Variants in ANK3 observed in about 807,000 individuals in gnomAD.
ANK3 encodes ankyrin-3.
ANK3 carries 57 observed loss-of-function variants against 370.9 expected under a neutral mutation model. The ratio of observed to expected loss-of-function variants is 0.15; its 90% confidence interval spans 0.12 to 0.19. ANK3 has a LOEUF of 0.19. Among genes scored for constraint, ANK3 ranks in the 10% least tolerant of loss-of-function variants. The pLI, the probability that ANK3 is intolerant of heterozygous loss-of-function variation, is 1.00. For missense variants in ANK3, 4,439 were observed against 5,302.1 expected (o/e 0.84, Z 5.06); for synonymous variants, 1,929 against 1,946.3 (o/e 0.99, Z 0.23).
At chr10:60,120,239 C>T (rs1297920676) in intron 25 of ANK3, among the ~76,000 whole-genome samples, 1 of 152,086 alleles carries the variant, frequency 6.6e-6, no homozygotes. Flanking sequence ...ATAAATGATG[C>T]TGGGAAAATC....
At chr10:60,423,139 C>T (rs545488448) in intron 2 of ANK3, among the ~76,000 whole-genome samples, 14 of 152,092 alleles carry the variant, frequency 9.2e-5, no homozygotes, top group South Asian at 4.1e-4. Context: ...TTTTTGTCTA[C>T]GTGAAAACCA....
At chr10:60,219,849 C>T (rs1202605568) in intron 8 of ANK3, among the ~76,000 whole-genome samples, 1 of 152,158 alleles carries the variant, frequency 6.6e-6, no homozygotes, top group Admixed American at 6.5e-5. Context: ...AACCCTATTT[C>T]TAAACTACTA....
chr10:60,395,552 C>CTTTCTTTCTTTCTTTCTTTCTTTCT (rs1567004152), intron 2 of ANK3, among the ~76,000 whole-genome samples: 2 of 51,112 alleles, frequency 3.9e-5, no homozygotes, highest in Non-Finnish European at 8.1e-5. Context: ...TACTATGCCT[C>CTTTCTTTCTTTCTTTCTTTCTTTCT]TTTCTTTCTT....
chr10:60,304,970 A>T (rs963984411), intron 1 of ANK3, among the ~76,000 whole-genome samples: 5 of 152,166 alleles, frequency 3.3e-5, no homozygotes, highest in Non-Finnish European at 2.9e-5. Flanking sequence ...ACATACAGTG[A>T]GGTGGAGCCA....
intron 1 of ANK3, among the ~76,000 whole-genome samples, chr10:60,629,712 T>C (rs2078456777): frequency 6.6e-6 from 1 of 152,070 alleles, no homozygotes; most frequent in Non-Finnish European, 1.5e-5. Context: ...CAATATTAGC[T>C]AGAAAATATA....
chr10:60,635,978 T>C (rs892040773), intron 1 of ANK3, among the ~76,000 whole-genome samples: 3 of 152,176 alleles, frequency 2.0e-5, no homozygotes, highest in Non-Finnish European at 4.4e-5. Flanking sequence ...TTTAACTATA[T>C]TCATAGTGAA....
intron 9 of ANK3, 107 bp downstream of exon 9, chr10:60,213,305 C>T: frequency 2.7e-6 from 2 of 734,840 alleles, no homozygotes; most frequent in Non-Finnish European, 4.5e-6. Flanking sequence ...CATAACTACT[C>T]TGACTGCTAC....
rs915722053 is a variant in ANK3 at position 60,572,750 on chromosome 10, T to G, written c.96+42436A>C. 7 of 1,318,096 alleles carry G rather than the reference T, an allele frequency of 5.3e-6. No homozygotes were observed. The African/African-American group carries it at 1.0e-4, about 20-fold the overall frequency. The allele number at this position is 1,318,096 out of a possible 1,614,324, so 81.7% of individuals were successfully genotyped here. On this transcript the variant is annotated intron_variant, in intron 2 of 43. Coordinates refer to the ANK3 transcript ENST00000373827. ...CCTCAGGAAGAAACTGGGTGTTCTC[T>G]ATATCAAACAGTCAATTATTCTTCT...
chr10:60,249,052 T>C (rs2097601296), intron 7 of ANK3, among the ~76,000 whole-genome samples: 1 of 152,192 alleles, frequency 6.6e-6, no homozygotes, highest in Non-Finnish European at 1.5e-5. Flanking sequence ...TGGTTTTTCT[T>C]TATATTTCTT....
At chr10:60,676,933 TG>T (rs1437770207) in intron 1 of ANK3, among the ~76,000 whole-genome samples, 1 of 152,216 alleles carries the variant, frequency 6.6e-6, no homozygotes, top group African/African-American at 2.4e-5. Flanking sequence ...ATGCTTGTGT[TG>T]ATGAATACCC....
intron 15 of ANK3, 60 bp downstream of exon 15, chr10:60,196,467 C>T (rs2096586892): frequency 8.5e-7 from 1 of 1,180,012 alleles, no homozygotes; most frequent in Non-Finnish European, 1.2e-6. Flanking sequence ...TGAATATTAG[C>T]AAGGGTGTAT....
intron 2 of ANK3, among the ~76,000 whole-genome samples, chr10:60,426,344 T>G (rs2063886931): frequency 2.0e-5 from 3 of 152,098 alleles, no homozygotes; most frequent in African/African-American, 7.2e-5. Context: ...CTAAATTTAG[T>G]CACAACCTCA....
At position 60,074,984 on chromosome 10, in the gene ANK3, A is replaced by G; in HGVS notation, c.5897T>C (p.Val1966Ala). 1 of 1,614,088 alleles carries G rather than the reference A, an allele frequency of 6.2e-7. No homozygotes were observed. The highest frequency in any genetic ancestry group is 8.5e-7 in the Non-Finnish European group (1 of 1,179,992). ...VKVSEILKKD[V>A]CVDNKGSPKS... is the part of the protein sequence containing the mutation. ...GGGTGATCCTTTATTATCTACACAT[A>G]CATCCTTTTTAAGGATTTCACTAAC... The change falls in exon 37 of 44, where the codon GTA becomes GCA. Residue 1966 changes from valine to alanine, a missense_variant. Coordinates refer to ENST00000280772, the MANE Select transcript of ANK3 (RefSeq NM_020987.5).
chr10:60,043,700 GT>G, intron 42 of ANK3: 1 of 985,430 alleles, frequency 1.0e-6, no homozygotes, highest in Non-Finnish European at 1.2e-6. Flanking sequence ...TGCTTTTGGA[GT>G]GCTCTCCGCC....
intron 23 of ANK3, among the ~76,000 whole-genome samples, chr10:60,161,999 T>C (rs1470871432): frequency 2.0e-5 from 3 of 152,212 alleles, no homozygotes; most frequent in Non-Finnish European, 4.4e-5. Context: ...TGTATAATTG[T>C]ATCAAAATAT....
intron 42 of ANK3, among the ~76,000 whole-genome samples, chr10:60,048,136 C>G (rs2077252422): frequency 6.6e-6 from 1 of 152,202 alleles, no homozygotes. Context: ...AGCATACATA[C>G]TGCTTCCTCT....
intron 18 of ANK3, among the ~76,000 whole-genome samples, chr10:60,176,976 A>G (rs2095982432): frequency 6.6e-6 from 1 of 152,116 alleles, no homozygotes; most frequent in Non-Finnish European, 1.5e-5. Flanking sequence ...AAAAAAAATA[A>G]TCTTCATTCA....
intron 16 of ANK3, among the ~76,000 whole-genome samples, chr10:60,193,014 A>G (rs1322542768): frequency 2.0e-5 from 3 of 151,590 alleles, no homozygotes; most frequent in Non-Finnish European, 4.4e-5. Flanking sequence ...AAATTATATG[A>G]CTGGCTTTGC....
chr10:60,263,892 G>A lies in ANK3; in HGVS notation c.642C>T (p.Asp214=), dbSNP rs757630475. The A allele has an allele frequency of 6.2e-7, 1 of 1,614,132 alleles. No homozygotes were observed. Among genetic ancestry groups the A allele is most frequent in the South Asian group, 1.1e-5 (1 of 91,082 alleles). ...PALHIAARKD[D]TKAAALLLQN... ...GCAGCAGCAGGGCGGCGGCTTTCGTGTCGTCTTTTCGGGCCGCGATATGAA... is the reference window on the plus strand; with the variant it reads ...GCAGCAGCAGGGCGGCGGCTTTCGTATCGTCTTTTCGGGCCGCGATATGAA... The change falls in exon 6 of 44, where the codon GAC becomes GAT. Residue 214 remains aspartate (D), a synonymous_variant. Coordinates refer to ENST00000280772, the MANE Select transcript of ANK3 (RefSeq NM_020987.5).
Sources: gnomAD v4.1 joint callset for allele counts (sites outside exome capture counted in the v4.1 genomes callset) on GRCh38, gnomAD v4.1.1 for gene constraint, MANE v1.5 for transcripts, NCBI Gene and HGNC (gene_info 2026-07-23, HGNC 2026-07-21) for gene names.